The following RTN3 variants were observed in gnomAD, a reference collection of about 807,000 sequenced individuals.
RTN3 encodes the protein reticulon-3.
RTN3 carries 49 observed loss-of-function variants against 77.8 expected under a neutral mutation model. That is an observed-to-expected ratio of 0.63 (90% confidence interval 0.50 to 0.80). RTN3 has a LOEUF of 0.80. Ranked by LOEUF, RTN3 falls within the 30% of genes least tolerant of loss-of-function variation. The pLI is 0.00. For synonymous variants in RTN3, 464 were observed against 446.9 expected (o/e 1.04, Z -0.48); for missense variants, 1,236 against 1,211.9 (o/e 1.02, Z -0.29).
At chr11:63,729,110 A>G (rs1046933111) in intron 3 of RTN3, among the ~76,000 whole-genome samples, 2 of 152,154 alleles carry the variant, frequency 1.3e-5, no homozygotes, top group South Asian at 2.1e-4. Flanking sequence ...TGCAAGATTA[A>G]AAGACATTTT....
chr11:63,713,475 A>G (rs1023348021), intron 2 of RTN3, among the ~76,000 whole-genome samples: 7 of 151,766 alleles, frequency 4.6e-5, no homozygotes, highest in African/African-American at 1.5e-4. Flanking sequence ...ATGACTGGCT[A>G]ATTGTTTAAT....
intron 8 of RTN3, 148 bp from the exon 9 acceptor site, chr11:63,758,008 C>G: frequency 1.6e-6 from 1 of 619,606 alleles, no homozygotes; most frequent in East Asian, 2.8e-5. Flanking sequence ...GGATTACACG[C>G]GTGAGCCACC....
intron 1 of RTN3, among the ~76,000 whole-genome samples, chr11:63,687,954 A>G (rs1941458042): frequency 6.6e-6 from 1 of 152,156 alleles, no homozygotes; most frequent in African/African-American, 2.4e-5. Flanking sequence ...CATTAATGTC[A>G]TAAAGCTGCC....
chr11:63,747,214 C>CT (rs1314709048), intron 3 of RTN3, among the ~76,000 whole-genome samples: 1 of 152,232 alleles, frequency 6.6e-6, no homozygotes, highest in Non-Finnish European at 1.5e-5. Context: ...TGTCTGGAGG[C>CT]ATATGGTATC....
intron 1 of RTN3, among the ~76,000 whole-genome samples, chr11:63,686,267 G>A (rs766528934): frequency 6.6e-6 from 1 of 150,968 alleles, no homozygotes; most frequent in Non-Finnish European, 1.5e-5. Context: ...TCAGGAGATC[G>A]AGATCATCCT....
At chr11:63,748,434 G>A (rs1342135076) in intron 3 of RTN3, among the ~76,000 whole-genome samples, 8 of 148,068 alleles carry the variant, frequency 5.4e-5, no homozygotes, top group Non-Finnish European at 1.0e-4. Context: ...TGCAACCTCC[G>A]CCTCCCAGGT....
intron 1 of RTN3, among the ~76,000 whole-genome samples, chr11:63,683,743 C>T (rs1324769032): frequency 1.3e-5 from 2 of 152,020 alleles, no homozygotes; most frequent in African/African-American, 4.8e-5. Context: ...ACCCTTGTCA[C>T]AATTTTTATC....
chr11:63,737,753 AT>A (rs1315771576), intron 3 of RTN3, among the ~76,000 whole-genome samples: 1 of 152,170 alleles, frequency 6.6e-6, no homozygotes, highest in Non-Finnish European at 1.5e-5. Flanking sequence ...GGCAAAGGGG[AT>A]GGTAGGTTAT....
At chr11:63,695,550 A>C (rs1481796131) in intron 1 of RTN3, among the ~76,000 whole-genome samples, 1 of 152,158 alleles carries the variant, frequency 6.6e-6, no homozygotes, top group South Asian at 2.1e-4. Flanking sequence ...GGCAAGCACT[A>C]CCTCAGCCAG....
chr11:63,724,966 T>G (rs961970922), intron 3 of RTN3, among the ~76,000 whole-genome samples: 7 of 148,776 alleles, frequency 4.7e-5, no homozygotes, highest in African/African-American at 1.7e-4. Flanking sequence ...AAAGTTTTGT[T>G]TTTTTTTTTT....
At chr11:63,735,472 C>T (rs1237257146) in intron 3 of RTN3, among the ~76,000 whole-genome samples, 2 of 151,302 alleles carry the variant, frequency 1.3e-5, no homozygotes, top group East Asian at 1.9e-4. Flanking sequence ...AATTGGAAGA[C>T]TCAGTGTTGT....
At chr11:63,687,976 C>A (rs1941459059) in intron 1 of RTN3, among the ~76,000 whole-genome samples, 1 of 152,166 alleles carries the variant, frequency 6.6e-6, no homozygotes, top group Non-Finnish European at 1.5e-5. Flanking sequence ...CCCGCTTCCA[C>A]TGAGGTGGTC....
Position 63,721,005 on chromosome 11 carries a change from C to T in RTN3, c.2503C>T (p.Leu835=). Residue 835 remains leucine, a synonymous_variant, in exon 3 of 9, where the codon CTA becomes TTA. Transcript: ENST00000377819. ...SKTELVKKHV[L]ARLLTDFSVH... ...GACTGAATTGGTAAAAAAGCATGTC[C>T]TAGCAAGACTTCTGACAGACTTCTC... 1 of 1,602,468 alleles carries T rather than the reference C, an allele frequency of 6.2e-7. No homozygotes were observed. The highest frequency in any genetic ancestry group is 1.1e-5 in the South Asian group (1 of 89,998).
intron 2 of RTN3, among the ~76,000 whole-genome samples, chr11:63,717,423 G>A (rs1290933298): frequency 9.2e-5 from 8 of 86,516 alleles, no homozygotes; most frequent in African/African-American, 3.7e-4. Context: ...CACTCTTGTT[G>A]CCCAGGCTGG....
At chr11:63,685,970 G>C (rs1941347863) in intron 1 of RTN3, among the ~76,000 whole-genome samples, 1 of 152,156 alleles carries the variant, frequency 6.6e-6, no homozygotes, top group African/African-American at 2.4e-5. Flanking sequence ...ATGGGGATCA[G>C]GGGTCAGGAT....
At chr11:63,740,448 ATTTTTTTT>A (rs34045543) in intron 3 of RTN3, among the ~76,000 whole-genome samples, 7 of 120,738 alleles carry the variant, frequency 5.8e-5, no homozygotes, top group East Asian at 2.3e-4. Context: ...TGCCTGGCTA[ATTTTTTTT>A]TTTTTTTTTT....
chr11:63,720,949 C>T lies in RTN3; in HGVS notation c.2447C>T (p.Thr816Ile). The change falls in exon 3 of 9, where the codon ACT (threonine) becomes ATT (isoleucine). Residue 816 changes from threonine to isoleucine, a missense_variant. Thr to Ile is a moderately conservative substitution (Grantham distance 89, BLOSUM62 -1). Coordinates refer to ENST00000377819, the MANE Select transcript of RTN3 (RefSeq NM_001265589.2). ...SQKPITIRETTRVDAVSSLSK... is the reference protein window; with the variant it reads ...SQKPITIRETIRVDAVSSLSK... ...AAGCCCATCACTATCAGAGAAACTA[C>T]TAGGGTAGATGCTGTTTCCAGCCTT... 6.2e-7 allele frequency: 1 copy of T among 1,614,046 alleles called. No homozygotes were observed. The highest frequency in any genetic ancestry group is 1.1e-5 in the South Asian group (1 of 91,074).
intron 3 of RTN3, among the ~76,000 whole-genome samples, chr11:63,736,882 C>A (rs1191693600): frequency 1.3e-5 from 2 of 151,888 alleles, no homozygotes; most frequent in Non-Finnish European, 2.9e-5. Flanking sequence ...CCATCATATT[C>A]ACAGGTTCTG....
At position 63,735,598 on chromosome 11, in the gene RTN3, C is replaced by CTCTCTCTT. The variant is rs1238903324; in HGVS notation, c.2531-14390_2531-14389insCTCTTTCT. On this transcript the variant is annotated intron_variant, in intron 3 of 8. Transcript: ENST00000377819. ...TCTCTCTCTCTCTCTCTCTCTCTCT[C>CTCTCTCTT]TCTTTCTTTCAACCCCTGTTTCCTG... Among the ~76,000 whole-genome samples, 8 of 147,762 alleles carry CTCTCTCTT rather than the reference C, an allele frequency of 5.4e-5. No individual in the cohort carries two copies. The South Asian group carries it at 6.5e-4, about 12-fold the overall frequency.
Sources: allele counts gnomAD v4.1 joint callset (sites outside exome capture counted in the v4.1 genomes callset), GRCh38; gene constraint gnomAD v4.1.1; transcripts MANE v1.5; gene names NCBI Gene and HGNC (gene_info 2026-07-23, HGNC 2026-07-21).